PAPPA: variants seen among roughly 807,000 people sequenced by gnomAD.
The protein encoded by PAPPA is pappalysin-1.
PAPPA carries 60 observed loss-of-function variants against 164.0 expected under a neutral mutation model. The observed-to-expected ratio is 0.37, with a 90% CI of 0.30 to 0.45. The LOEUF (loss-of-function observed/expected upper bound fraction) is 0.45. Ranked by LOEUF, PAPPA falls within the 20% of genes least tolerant of loss-of-function variation. The pLI is 1.00. For missense variants in PAPPA, 1,782 were observed against 2,087.3 expected, an observed-to-expected ratio of 0.85 and a Z score of 2.85; for synonymous variants, 875 against 814.1, an observed-to-expected ratio of 1.07 and a Z score of -1.27.
intron 10 of PAPPA, among the ~76,000 whole-genome samples, chr9:116,307,475 C>T (rs1443692850): frequency 6.6e-6 from 1 of 152,022 alleles, no homozygotes; most frequent in Non-Finnish European, 1.5e-5. Flanking sequence ...TGGCAGGCAC[C>T]TGTAATCCCA....
chr9:116,238,131 A>T (rs1449407726), intron 7 of PAPPA, among the ~76,000 whole-genome samples: 2 of 152,210 alleles, frequency 1.3e-5, no homozygotes, highest in Non-Finnish European at 2.9e-5. Context: ...AATGGTTAAG[A>T]ATAAGGCCTG....
chr9:116,244,698 C>T (rs530852822), intron 7 of PAPPA, among the ~76,000 whole-genome samples: 45 of 152,032 alleles, frequency 3.0e-4, no homozygotes, highest in African/African-American at 1.1e-3. Context: ...AAAAGGGAAC[C>T]CTTATACACT....
chr9:116,371,099 G>A (rs1272518887), intron 19 of PAPPA, among the ~76,000 whole-genome samples: 1 of 152,142 alleles, frequency 6.6e-6, no homozygotes, highest in Non-Finnish European at 1.5e-5. Flanking sequence ...AGTGAAGCAG[G>A]CCAAACATAC....
Position 116,235,450 on chromosome 9 carries a change from G to A in PAPPA, c.2545G>A (p.Glu849Lys). 4 of 1,613,548 alleles carry A rather than the reference G, an allele frequency of 2.5e-6. No individual in the cohort carries two copies. Among genetic ancestry groups the A allele is most frequent in the Non-Finnish European group, 2.5e-6 (3 of 1,179,804 alleles). ...LTIRLWDVGE[E>K]VYGIQIYTLD... ...CATCAGACTCTGGGACGTGGGCGAGGAGGTGTATGGCATCCAAATCTACAC... is the reference window on the plus strand; with the variant it reads ...CATCAGACTCTGGGACGTGGGCGAGAAGGTGTATGGCATCCAAATCTACAC... Residue 849 changes from glutamate (E) to lysine (K), a missense_variant, in exon 7 of 22, where the codon GAG becomes AAG. Glu to Lys is a moderately conservative substitution (Grantham distance 56). This residue lies in a region of PAPPA where 1,324 missense variants were observed against 1,656.9 expected (regional missense o/e 0.80). Transcript: ENST00000328252.
intron 19 of PAPPA, among the ~76,000 whole-genome samples, chr9:116,374,187 G>GTT (rs1388015177): frequency 6.9e-4 from 75 of 108,088 alleles, no homozygotes; most frequent in South Asian, 1.1e-3. Flanking sequence ...TGATGATGGT[G>GTT]GTGATGATGA....
intron 17 of PAPPA, among the ~76,000 whole-genome samples, chr9:116,356,548 T>G (rs1050432627): frequency 1.3e-5 from 2 of 152,324 alleles, no homozygotes; most frequent in East Asian, 1.9e-4. Context: ...CTCTAAAAAC[T>G]GAGAAGTTTT....
intron 1 of PAPPA, among the ~76,000 whole-genome samples, chr9:116,162,324 C>T (rs1843677957): frequency 6.6e-6 from 1 of 152,090 alleles, no homozygotes; most frequent in Admixed American, 6.6e-5. Context: ...TGTGACGATA[C>T]ACACACACAT....
intron 7 of PAPPA, among the ~76,000 whole-genome samples, chr9:116,264,852 G>A (rs1020985963): frequency 7.9e-5 from 12 of 152,262 alleles, no homozygotes; most frequent in Admixed American, 2.6e-4. Context: ...AGGGGGATGT[G>A]GTCGTGTGGA....
chr9:116,354,683 C>A (rs532586511), intron 17 of PAPPA, among the ~76,000 whole-genome samples: 2 of 152,168 alleles, frequency 1.3e-5, no homozygotes, highest in African/African-American at 2.4e-5. Flanking sequence ...TCTCTTTTGT[C>A]CCCAATGCCA....
chr9:116,259,789 G>A (rs934806749), intron 7 of PAPPA, among the ~76,000 whole-genome samples: 6 of 152,112 alleles, frequency 3.9e-5, no homozygotes, highest in African/African-American at 1.4e-4. Flanking sequence ...TACCATTTTA[G>A]CCTTTTTTCC....
chr9:116,284,545 C>CTTTTTTTTTTTT (rs61248033), intron 9 of PAPPA, among the ~76,000 whole-genome samples: 5 of 88,240 alleles, frequency 5.7e-5, no homozygotes, highest in African/African-American at 1.8e-4. Context: ...TAGTCTGGGC[C>CTTTTTTTTTTTT]TTTTTTTTTT....
chr9:116,258,341 C>A (rs974857517), intron 7 of PAPPA, among the ~76,000 whole-genome samples: 1 of 151,980 alleles, frequency 6.6e-6, no homozygotes, highest in East Asian at 1.9e-4. Context: ...TAGACTGCTA[C>A]CGATAAAACA....
rs1385496780 is a variant in PAPPA, at chr9:116,194,997, A to C, written c.1478+6781A>C. Among the ~76,000 whole-genome samples, 3 of 152,346 alleles carry C rather than the reference A, an allele frequency of 2.0e-5. No homozygotes were observed. The East Asian group carries it at 5.8e-4, about 29-fold the overall frequency. Reference sequence around the variant, plus strand: ...AAACTCATTGAGTTATTGAATTTGCACACTGGCTTACTTTTAAAATGACCC... The same window carrying C: ...AAACTCATTGAGTTATTGAATTTGCCCACTGGCTTACTTTTAAAATGACCC... On this transcript the variant is annotated intron_variant, in intron 2 of 21. Transcript: ENST00000328252.
intron 6 of PAPPA, among the ~76,000 whole-genome samples, chr9:116,231,149 T>G (rs970189022): frequency 6.6e-6 from 1 of 152,166 alleles, no homozygotes; most frequent in African/African-American, 2.4e-5. Context: ...CATGATTATG[T>G]ATAAATATAT....
chr9:116,169,908 G>A (rs1216828792), intron 1 of PAPPA, among the ~76,000 whole-genome samples: 1 of 152,050 alleles, frequency 6.6e-6, no homozygotes, highest in African/African-American at 2.4e-5. Context: ...GATTGCTGAT[G>A]TTATGACTTA....
intron 9 of PAPPA, among the ~76,000 whole-genome samples, chr9:116,279,253 G>T (rs12376192): frequency 6.6e-6 from 1 of 152,100 alleles, no homozygotes; most frequent in African/African-American, 2.4e-5. Context: ...GTCAAAGGGG[G>T]TCACTGAGGG....
intron 19 of PAPPA, among the ~76,000 whole-genome samples, chr9:116,374,670 T>C (rs1313937115): frequency 6.6e-6 from 1 of 152,240 alleles, no homozygotes; most frequent in Non-Finnish European, 1.5e-5. Flanking sequence ...ATGGATTAAA[T>C]TAGCTCTCAA....
intron 19 of PAPPA, among the ~76,000 whole-genome samples, chr9:116,371,775 A>C (rs1171619865): frequency 6.6e-6 from 1 of 151,978 alleles, no homozygotes; most frequent in Non-Finnish European, 1.5e-5. Context: ...CACTCATGAA[A>C]CCACTACTCA....
chr9:116,299,399 A>C (rs757424615), intron 9 of PAPPA, among the ~76,000 whole-genome samples: 148 of 152,176 alleles, frequency 9.7e-4, no homozygotes, highest in Non-Finnish European at 1.6e-3. Context: ...GGTTCTGCTG[A>C]TTCCTAGCAG....
Sources: allele counts gnomAD v4.1 joint callset (sites outside exome capture counted in the v4.1 genomes callset), GRCh38; gene constraint gnomAD v4.1.1; regional missense constraint gnomAD v4.1.1; transcripts MANE v1.5; gene names NCBI Gene and HGNC (gene_info 2026-07-23, HGNC 2026-07-21).